DAB1: variants seen among roughly 807,000 people sequenced by gnomAD.
The protein encoded by DAB1 is disabled homolog 1.
Under a neutral mutation model 64.6 loss-of-function variants are expected in DAB1, and 15 were observed. The observed-to-expected ratio is 0.23, with a 90% CI of 0.16 to 0.36. DAB1 has a LOEUF of 0.36. Ranked by LOEUF, DAB1 falls within the 10% of genes least tolerant of loss-of-function variation. The probability of loss-of-function intolerance (pLI) is 1.00; values close to 1 mark genes in which losing one functional copy is unlikely to be tolerated. For missense variants in DAB1, 596 were observed against 706.7 expected (o/e 0.84, Z 1.78); for synonymous variants, 235 against 251.9 (o/e 0.93, Z 0.64).
Position 57,291,178 on chromosome 1 carries a change from G to A in DAB1, c.-136-12C>T. 4.2e-6 allele frequency: 2 copies of A among 471,634 alleles called. No homozygotes were observed. Among genetic ancestry groups the A allele is most frequent in the Non-Finnish European group, 7.6e-6 (2 of 262,190 alleles). The allele number at this position is 471,634 out of a possible 1,614,324, so 29.2% of individuals were successfully genotyped here. On this transcript the variant is annotated splice_polypyrimidine_tract_variant and intron_variant, in intron 1 of 14. Transcript: ENST00000371236. Reference sequence around the variant, plus strand: ...ACTCTTTTTGAGTGCTGCAAATCAAGGCAAGAGAACATTCAGAATCATCAC... The same window carrying A: ...ACTCTTTTTGAGTGCTGCAAATCAAAGCAAGAGAACATTCAGAATCATCAC...
chr1:57,365,413 T>A (rs1030536224), intron 1 of DAB1, among the ~76,000 whole-genome samples: 1 of 146,008 alleles, frequency 6.8e-6, no homozygotes, highest in Admixed American at 7.0e-5. Context: ...AAGAAGAATA[T>A]ATATATTCTG....
intron 5 of DAB1, among the ~76,000 whole-genome samples, chr1:57,957,163 T>G (rs1196245056): frequency 2.0e-5 from 3 of 152,220 alleles, no homozygotes; most frequent in Non-Finnish European, 4.4e-5. Context: ...TACAGGGACA[T>G]GACTGGATGT....
At chr1:57,626,926 C>T (rs868578900) in intron 7 of DAB1, among the ~76,000 whole-genome samples, 4 of 152,160 alleles carry the variant, frequency 2.6e-5, no homozygotes, top group Admixed American at 6.5e-5. Context: ...AACTTTCAGT[C>T]CTTTGTGCCA....
intron 2 of DAB1, among the ~76,000 whole-genome samples, chr1:57,171,389 C>T (rs1333577757): frequency 3.3e-5 from 5 of 152,194 alleles, no homozygotes; most frequent in Non-Finnish European, 5.9e-5. Flanking sequence ...AACCTGTTCT[C>T]CTTGATAACT....
chr1:57,618,904 G>C (rs1159035146), intron 7 of DAB1, among the ~76,000 whole-genome samples: 1 of 151,460 alleles, frequency 6.6e-6, no homozygotes, highest in Admixed American at 6.6e-5. Context: ...TTGTGACCTT[G>C]GGCAACTGAC....
At chr1:58,524,644 C>T (rs989813972) in intron 2 of DAB1, among the ~76,000 whole-genome samples, 1 of 152,112 alleles carries the variant, frequency 6.6e-6, no homozygotes, top group African/African-American at 2.4e-5. Context: ...ATTCTGGATT[C>T]GTTTATGTTG....
At chr1:58,473,278 C>A (rs936483777) in intron 3 of DAB1, among the ~76,000 whole-genome samples, 1 of 151,534 alleles carries the variant, frequency 6.6e-6, no homozygotes, top group Non-Finnish European at 1.5e-5. Flanking sequence ...CGCGGTGGCT[C>A]ACGCCTGTAA....
At chr1:58,097,335 C>T (rs1776184) in intron 5 of DAB1, among the ~76,000 whole-genome samples, 31,149 of 152,106 alleles carry the variant, frequency 0.2, 3,519 homozygotes, top group East Asian at 0.39. Flanking sequence ...CTGACTGTTA[C>T]AAGAAAGACA....
At chr1:58,110,046 A>G (rs1322168916) in intron 5 of DAB1, among the ~76,000 whole-genome samples, 1 of 152,230 alleles carries the variant, frequency 6.6e-6, no homozygotes, top group Non-Finnish European at 1.5e-5. Flanking sequence ...GACTCTCCCT[A>G]GAACTTTAAA....
At chr1:58,325,271 C>G (rs1314250513) in intron 4 of DAB1, among the ~76,000 whole-genome samples, 2 of 152,162 alleles carry the variant, frequency 1.3e-5, no homozygotes, top group Admixed American at 1.3e-4. Context: ...GCTGTGTGCT[C>G]TTTGACTTTT....
chr1:57,232,284 CTTTT>C (rs74940041), intron 2 of DAB1, among the ~76,000 whole-genome samples: 7 of 81,716 alleles, frequency 8.6e-5, no homozygotes, highest in South Asian at 4.4e-4. Flanking sequence ...GCAGTGGCCA[CTTTT>C]TTTTTTTTTT....
At chr1:58,215,665 C>T (rs1658814196) in intron 4 of DAB1, among the ~76,000 whole-genome samples, 1 of 152,114 alleles carries the variant, frequency 6.6e-6, no homozygotes, top group Admixed American at 6.5e-5. Context: ...CTTTCAGTTA[C>T]TCCTTGAGGG....
chr1:57,307,283 C>T (rs1388540902), intron 1 of DAB1: 1 of 152,202 alleles, frequency 6.6e-6, no homozygotes, highest in Non-Finnish European at 1.5e-5. Flanking sequence ...GACTCCATGC[C>T]TTTTGAGTCC....
At chr1:57,163,496 C>G (rs889155202) in intron 2 of DAB1, among the ~76,000 whole-genome samples, 1 of 151,806 alleles carries the variant, frequency 6.6e-6, no homozygotes, top group Non-Finnish European at 1.5e-5. Flanking sequence ...AGGGCTCCCT[C>G]GTGTGCTGCT....
chr1:57,470,755 A>G (rs1687107707), intron 7 of DAB1, among the ~76,000 whole-genome samples: 1 of 152,214 alleles, frequency 6.6e-6, no homozygotes, highest in African/African-American at 2.4e-5. Flanking sequence ...TCCTTTAAAA[A>G]TCAGCACAAA....
chr1:58,375,118 G>A (rs764680581), intron 3 of DAB1, among the ~76,000 whole-genome samples: 6,373 of 147,714 alleles, frequency 0.043, 186 homozygotes, highest in Non-Finnish European at 0.053. Flanking sequence ...CAATCATGTC[G>A]TCTGCAAACA....
At chr1:57,546,068 T>TGA (rs1644852850) in intron 7 of DAB1, among the ~76,000 whole-genome samples, 1 of 67,662 alleles carries the variant, frequency 1.5e-5, no homozygotes, top group Admixed American at 1.7e-4. Context: ...CAGAGGGGAG[T>TGA]GTGTGTGTGT....
chr1:57,705,860 A>C (rs1447416211), intron 6 of DAB1, among the ~76,000 whole-genome samples: 1 of 143,884 alleles, frequency 7.0e-6, no homozygotes, highest in Non-Finnish European at 1.5e-5. Flanking sequence ...CTAATGAATC[A>C]ATACAATACT....
At chr1:57,671,593 T>A (rs1646511296) in intron 6 of DAB1, among the ~76,000 whole-genome samples, 1 of 152,096 alleles carries the variant, frequency 6.6e-6, no homozygotes, top group African/African-American at 2.4e-5. Context: ...TTGTTGATCT[T>A]AACTGTAGAC....
Sources: gnomAD v4.1 joint callset for allele counts (sites outside exome capture counted in the v4.1 genomes callset) on GRCh38, gnomAD v4.1.1 for gene constraint, MANE v1.5 for transcripts, NCBI Gene and HGNC (gene_info 2026-07-23, HGNC 2026-07-21) for gene names.